Variants in PI4KA observed in about 807,000 individuals in gnomAD.
PI4KA encodes the protein PI4-kinase alpha.
In PI4KA, 122 loss-of-function variants were observed where a neutral mutation model predicts 271.4. The observed-to-expected ratio is 0.45, with a 90% CI of 0.39 to 0.52. PI4KA has a LOEUF of 0.52. Ranked by LOEUF, PI4KA falls within the 20% of genes least tolerant of loss-of-function variation. The pLI, the probability that PI4KA is intolerant of heterozygous loss-of-function variation, is 0.00. For missense variants in PI4KA, 1,969 were observed against 2,769.1 expected (o/e 0.71, Z 6.48); for synonymous variants, 1,041 against 1,078.8 (o/e 0.96, Z 0.69).
chr22:20,745,446 T>C (rs1258516904), intron 29 of PI4KA, among the ~76,000 whole-genome samples: 1 of 152,076 alleles, frequency 6.6e-6, no homozygotes. Context: ...ATGGGGAAAG[T>C]GAGCTTCTCA....
In PI4KA at chr22:20,799,280, C is replaced by A. The variant is rs758446045; in HGVS notation, c.1821-4G>T. ...GTCGGGAATCAAGTGAGCGTCCCTA[C>A]AGAAGGAAGAACAGAAGCGCCCTAG... On this transcript the variant is annotated splice_region_variant and splice_polypyrimidine_tract_variant and intron_variant, in intron 15 of 54. Transcript: ENST00000255882. 3 of 1,515,130 alleles carry A rather than the reference C, an allele frequency of 2.0e-6. No homozygotes were observed. Among genetic ancestry groups the A allele is most frequent in the Non-Finnish European group, 2.6e-6 (3 of 1,135,268 alleles). 93.9% of individuals were successfully genotyped at this position (1,515,130 alleles called of 1,614,324 possible). A position where few individuals can be genotyped will look rare whatever the true frequency, so the allele number is the denominator to read the frequency against.
At chr22:20,807,855 G>C (rs577647556) in intron 9 of PI4KA, among the ~76,000 whole-genome samples, 7 of 151,840 alleles carry the variant, frequency 4.6e-5, no homozygotes, top group Non-Finnish European at 7.4e-5. Context: ...ACAAATTACA[G>C]CCAGGACACC....
intron 2 of PI4KA, among the ~76,000 whole-genome samples, chr22:20,837,754 C>G (rs1361847917): frequency 6.6e-6 from 1 of 152,062 alleles, no homozygotes; most frequent in East Asian, 1.9e-4. Context: ...AATACACATA[C>G]ACAACAGTCA....
rs765305931 is a variant in PI4KA, at chr22:20,796,283, C to T, written c.2140G>A (p.Ala714Thr). ...HCSLAVINAL[A>T]NIAANIQDEH... is the part of the protein sequence containing the mutation. ...TCTTGGATGTTGGCCGCGATGTTGG[C>T]CAGGGCATTAATCACTGCCAGGGAG... The change falls in exon 18 of 55, where the codon GCC becomes ACC. Residue 714 changes from alanine to threonine, a missense_variant. Coordinates refer to ENST00000255882, the MANE Select transcript of PI4KA (RefSeq NM_058004.4). 6.2e-7 allele frequency: 1 copy of T among 1,613,980 alleles called. No homozygotes were observed. The highest frequency in any genetic ancestry group is 1.7e-5 in the Admixed American group (1 of 60,002).
At chr22:20,812,012 CAAAAAAAAAAA>C (rs361795) in intron 8 of PI4KA, among the ~76,000 whole-genome samples, 5 of 77,470 alleles carry the variant, frequency 6.5e-5, no homozygotes, top group Non-Finnish European at 5.1e-5. Context: ...GACTCCATCT[CAAAAAAAAAAA>C]AAAAAAAAAG....
rs142040636 is a variant in PI4KA at position 20,749,962 on chromosome 22, C to T, written c.3186G>A (p.Gly1062=). 9 of 1,613,514 alleles carry T rather than the reference C, an allele frequency of 5.6e-6. No homozygotes were observed. In the African/African-American group the frequency reaches 1.2e-4, roughly 22 times the overall value. ...SIVKDFAARC[G]MILQEAMKWA... ...ACTTCATGGCCTCCTGGAGGATCATCCCACAGCGTGCAGCGAAGTCCTTCA... is the reference window on the plus strand; with the variant it reads ...ACTTCATGGCCTCCTGGAGGATCATTCCACAGCGTGCAGCGAAGTCCTTCA... The change falls in exon 28 of 55, where the codon GGG becomes GGA. Residue 1062 remains glycine (G), a synonymous_variant. Coordinates refer to ENST00000255882, the MANE Select transcript of PI4KA (RefSeq NM_058004.4).
At chr22:20,811,971 C>A (rs976180890) in intron 8 of PI4KA, among the ~76,000 whole-genome samples, 3 of 147,060 alleles carry the variant, frequency 2.0e-5, no homozygotes, top group Non-Finnish European at 3.0e-5. Context: ...CGAGATCGTG[C>A]CACTGCACTC....
At chr22:20,747,877 G>A (rs1445835540) in intron 28 of PI4KA, among the ~76,000 whole-genome samples, 175 bp from the exon 29 acceptor site, 2 of 151,952 alleles carry the variant, frequency 1.3e-5, no homozygotes, top group Non-Finnish European at 2.9e-5. Context: ...TGGGACTATA[G>A]GGGCACGCCA....
intron 6 of PI4KA, among the ~76,000 whole-genome samples, chr22:20,819,295 A>T (rs1048610333): frequency 1.3e-5 from 2 of 150,836 alleles, no homozygotes; most frequent in Non-Finnish European, 1.5e-5. Flanking sequence ...TTCATGTTTT[A>T]AAGGAGTGGT....
At chr22:20,769,661 G>T (rs165830) in intron 19 of PI4KA, among the ~76,000 whole-genome samples, 54,705 of 145,912 alleles carry the variant, frequency 0.37, 10,505 homozygotes, top group African/African-American at 0.45. Flanking sequence ...AGAGCGAGAC[G>T]CCATTTCAAA....
chr22:20,802,482 C>T (rs1032763089), intron 13 of PI4KA, among the ~76,000 whole-genome samples: 3 of 152,144 alleles, frequency 2.0e-5, no homozygotes, highest in African/African-American at 7.2e-5. Flanking sequence ...CTTGCGGGAG[C>T]AGGGGCCTTA....
chr22:20,855,697 G>A (rs1014040106), intron 1 of PI4KA, among the ~76,000 whole-genome samples: 2 of 152,164 alleles, frequency 1.3e-5, no homozygotes, highest in Non-Finnish European at 2.9e-5. Flanking sequence ...CAATACATGT[G>A]TGCAGTTTGT....
chr22:20,796,004 C>T (rs1390324172), intron 18 of PI4KA, 142 bp downstream of exon 18: 1 of 751,438 alleles, frequency 1.3e-6, no homozygotes, highest in Non-Finnish European at 2.1e-6. Context: ...AGAACCCCAC[C>T]CCTTCTTACT....
rs886192073 is a variant in PI4KA at position 20,759,402 on chromosome 22, C to CTTTTTTTTTTTTTTTTTTTT, written c.2791+1882_2791+1901dup. The stretch of plus-strand genomic sequence containing the variant: ...TTGATTTTTCTTTTTCTTTTCTTTT[C>CTTTTTTTTTTTTTTTTTTTT]TTTTTTTTTTTTTTTTTTTTTGAGA... On this transcript the variant is annotated intron_variant, in intron 23 of 54. Coordinates refer to ENST00000255882, the MANE Select transcript of PI4KA (RefSeq NM_058004.4). 6.3e-4 allele frequency among the ~76,000 whole-genome samples: 65 copies of CTTTTTTTTTTTTTTTTTTTT among 102,884 alleles called. 3 individuals carry two copies. The highest frequency in any genetic ancestry group is 1.0e-3 in the South Asian group (3 of 2,898). The allele number at this position is 102,884 out of a possible 152,430, so 67.5% of individuals were successfully genotyped here. A position where few individuals can be genotyped will look rare whatever the true frequency, so the allele number is the denominator to read the frequency against.
intron 1 of PI4KA, among the ~76,000 whole-genome samples, chr22:20,849,204 G>C (rs531371716): frequency 1.4e-4 from 21 of 152,256 alleles, no homozygotes; most frequent in Non-Finnish European, 2.8e-4. Flanking sequence ...ACAGAGTGTT[G>C]GTGACAATGT....
intron 23 of PI4KA, among the ~76,000 whole-genome samples, chr22:20,756,222 TA>T (rs747082194): frequency 6.6e-6 from 1 of 151,692 alleles, no homozygotes; most frequent in African/African-American, 2.4e-5. Context: ...TTTTTTTTTT[TA>T]ATTTTTTGAG....
chr22:20,836,997 T>C (rs543624034), intron 2 of PI4KA, among the ~76,000 whole-genome samples: 2 of 152,372 alleles, frequency 1.3e-5, no homozygotes, highest in East Asian at 3.8e-4. Flanking sequence ...TTATAAATTT[T>C]TTTAAAATTA....
intron 2 of PI4KA, among the ~76,000 whole-genome samples, chr22:20,835,768 G>GC (rs1468329484): frequency 1.3e-5 from 2 of 151,592 alleles, no homozygotes; most frequent in Non-Finnish European, 2.9e-5. Flanking sequence ...GCAGAAGGTG[G>GC]CCGGGTGCGG....
chr22:20,752,652 A>G (rs555400139), intron 25 of PI4KA, among the ~76,000 whole-genome samples: 22 of 152,344 alleles, frequency 1.4e-4, no homozygotes, highest in African/African-American at 5.1e-4. Context: ...TGAGAGACAC[A>G]GGGATGTGGC....
Sources: allele counts gnomAD v4.1 joint callset (sites outside exome capture counted in the v4.1 genomes callset), GRCh38; gene constraint gnomAD v4.1.1; transcripts MANE v1.5; gene names NCBI Gene and HGNC (gene_info 2026-07-23, HGNC 2026-07-21).